The following ERC2 variants were observed in gnomAD, a reference collection of about 807,000 sequenced individuals.
ERC2 encodes the protein ELKS/RAB6-interacting/CAST family member 2.
In ERC2, 42 loss-of-function variants were observed where a neutral mutation model predicts 114.8. The observed-to-expected ratio is 0.37, with a 90% confidence interval of 0.29 to 0.47. ERC2 has a LOEUF of 0.47. ERC2 is among the 20% of genes least tolerant of loss of function. The probability of loss-of-function intolerance (pLI) is 0.99; values close to 1 mark genes in which losing one functional copy is unlikely to be tolerated. For synonymous variants in ERC2, 454 were observed against 425.5 expected (o/e 1.07, Z -0.82); for missense variants, 939 against 1,150.7 (o/e 0.82, Z 2.66).
At chr3:56,361,859 G>A (rs1576596207) in intron 2 of ERC2, among the ~76,000 whole-genome samples, 1 of 152,258 alleles carries the variant, frequency 6.6e-6, no homozygotes, top group Non-Finnish European at 1.5e-5. Context: ...TACAACCCAG[G>A]AAACACTGAG....
intron 2 of ERC2, among the ~76,000 whole-genome samples, chr3:56,318,585 A>G (rs1461990568): frequency 6.6e-6 from 1 of 151,530 alleles, no homozygotes; most frequent in East Asian, 1.9e-4. Context: ...TCTACAACTC[A>G]AAAGCAAAAA....
chr3:56,130,405 T>C (rs552386824), intron 6 of ERC2, among the ~76,000 whole-genome samples: 1 of 152,256 alleles, frequency 6.6e-6, no homozygotes, highest in Non-Finnish European at 1.5e-5. Flanking sequence ...ATCCATTTAG[T>C]GTGCTGACAG....
At chr3:55,576,322 A>T (rs190049626) in intron 17 of ERC2, among the ~76,000 whole-genome samples, 1,769 of 152,174 alleles carry the variant, frequency 0.012, 25 homozygotes, top group South Asian at 0.069. Context: ...AAAAAAAAAA[A>T]AATAAATCCA....
chr3:56,065,373 C>T (rs897981172), intron 7 of ERC2, among the ~76,000 whole-genome samples: 2 of 151,960 alleles, frequency 1.3e-5, no homozygotes, highest in Non-Finnish European at 2.9e-5. Context: ...CAGGCACGCA[C>T]TACCATGCCC....
intron 17 of ERC2, among the ~76,000 whole-genome samples, chr3:55,601,036 C>T (rs926456025): frequency 3.3e-5 from 5 of 152,192 alleles, no homozygotes; most frequent in Admixed American, 6.5e-5. Context: ...GCACACCATG[C>T]GGACGGGGGC....
chr3:56,078,003 A>C (rs1483984688), intron 7 of ERC2, among the ~76,000 whole-genome samples: 1 of 152,132 alleles, frequency 6.6e-6, no homozygotes, highest in Non-Finnish European at 1.5e-5. Flanking sequence ...TTTTGTTATT[A>C]TTTGCAGCCG....
chr3:55,990,708 A>G (rs2070995631), intron 11 of ERC2, among the ~76,000 whole-genome samples: 1 of 152,156 alleles, frequency 6.6e-6, no homozygotes, highest in Non-Finnish European at 1.5e-5. Context: ...GAGCCACCAT[A>G]TCTGGCCTTG....
At chr3:56,205,229 A>T (rs1246430161) in intron 3 of ERC2, among the ~76,000 whole-genome samples, 1 of 152,154 alleles carries the variant, frequency 6.6e-6, no homozygotes, top group African/African-American at 2.4e-5. Context: ...TTTTCAGGCC[A>T]TGGACGACTA....
intron 13 of ERC2, among the ~76,000 whole-genome samples, chr3:55,902,867 C>T (rs890419041): frequency 3.9e-5 from 6 of 152,166 alleles, no homozygotes; most frequent in East Asian, 3.9e-4. Context: ...GGGAGCCTGG[C>T]GGAGAGTGGG....
chr3:55,719,364 G>C (rs1223371279), intron 15 of ERC2, among the ~76,000 whole-genome samples: 2 of 152,148 alleles, frequency 1.3e-5, no homozygotes, highest in African/African-American at 4.8e-5. Context: ...ACCACTGAGG[G>C]GAGATGTGCA....
intron 2 of ERC2, among the ~76,000 whole-genome samples, chr3:56,348,269 T>G (rs2058382921): frequency 6.6e-6 from 1 of 152,098 alleles, no homozygotes; most frequent in Non-Finnish European, 1.5e-5. Context: ...AGGCCAGAGA[T>G]TATGGACTGA....
At chr3:55,693,128 T>C (rs2062748641) in intron 16 of ERC2, among the ~76,000 whole-genome samples, 1 of 152,204 alleles carries the variant, frequency 6.6e-6, no homozygotes, top group African/African-American at 2.4e-5. Flanking sequence ...AGGATTACTA[T>C]TTATATCCAC....
chr3:55,957,611 C>T (rs1201208239), intron 12 of ERC2, among the ~76,000 whole-genome samples: 2 of 152,224 alleles, frequency 1.3e-5, no homozygotes, highest in African/African-American at 4.8e-5. Context: ...TCGGCTCACA[C>T]TACCACCTCA....
chr3:55,947,466 C>T (rs1045159364), intron 13 of ERC2, among the ~76,000 whole-genome samples: 2 of 152,202 alleles, frequency 1.3e-5, no homozygotes, highest in Non-Finnish European at 1.5e-5. Context: ...CAATCTGTGA[C>T]TTGGTCATGT....
At chr3:56,139,485 T>G in intron 6 of ERC2, 24 bp downstream of exon 6, 1 of 1,599,666 alleles carries the variant, frequency 6.3e-7, no homozygotes. Context: ...CTCTGCTGTC[T>G]AGAATCCTGA....
chr3:55,991,512 C>T (rs1379406763), intron 11 of ERC2, among the ~76,000 whole-genome samples: 4 of 152,172 alleles, frequency 2.6e-5, no homozygotes, highest in Admixed American at 6.5e-5. Context: ...TCATGCAGGA[C>T]CTATTCAAGT....
At chr3:55,698,506 T>C (rs531521535) in intron 16 of ERC2, among the ~76,000 whole-genome samples, 1 of 152,302 alleles carries the variant, frequency 6.6e-6, no homozygotes, top group African/African-American at 2.4e-5. Flanking sequence ...CAGGTAATTC[T>C]GACAACCCCT....
At chr3:55,686,432 C>A (rs2062335377) in intron 16 of ERC2, among the ~76,000 whole-genome samples, 1 of 152,186 alleles carries the variant, frequency 6.6e-6, no homozygotes, top group Non-Finnish European at 1.5e-5. Context: ...AATTGACCCT[C>A]ATCGCCAAAT....
chr3:56,467,476 G>A (rs920218811), intron 1 of ERC2, among the ~76,000 whole-genome samples: 2 of 152,146 alleles, frequency 1.3e-5, no homozygotes, highest in Non-Finnish European at 2.9e-5. Flanking sequence ...GAGAGTTTAC[G>A]AGCGCTATTT....
Sources: gnomAD v4.1 joint callset for allele counts (sites outside exome capture counted in the v4.1 genomes callset) on GRCh38, gnomAD v4.1.1 for gene constraint, MANE v1.5 for transcripts, NCBI Gene and HGNC (gene_info 2026-07-23, HGNC 2026-07-21) for gene names.